GJB7: variants seen among roughly 807,000 people sequenced by gnomAD.
GJB7 encodes the protein gap junction protein beta 7.
For synonymous variants in GJB7, 87 were observed against 95.2 expected (o/e 0.91, Z 0.50); for missense variants, 253 against 256.8 (o/e 0.99, Z 0.10).
intron 2 of GJB7, among the ~76,000 whole-genome samples, chr6:87,315,101 A>G (rs1257220179): frequency 6.6e-6 from 1 of 152,130 alleles, no homozygotes; most frequent in African/African-American, 2.4e-5. Context: ...TTCCACAAAA[A>G]TGTGGCAAAA....
At chr6:87,316,543 A>G (rs1005288363) in intron 2 of GJB7, among the ~76,000 whole-genome samples, 1 of 152,220 alleles carries the variant, frequency 6.6e-6, no homozygotes, top group Non-Finnish European at 1.5e-5. Flanking sequence ...AAACAGTGAC[A>G]TGATTAGATG....
chr6:87,318,622 G>A (rs1481113150), intron 2 of GJB7, among the ~76,000 whole-genome samples: 1 of 152,090 alleles, frequency 6.6e-6, no homozygotes, highest in Non-Finnish European at 1.5e-5. Context: ...TGTGACATTT[G>A]CTAATATCAT....
At chr6:87,303,061 A>G (rs928908564) in intron 2 of GJB7, among the ~76,000 whole-genome samples, 3 of 152,240 alleles carry the variant, frequency 2.0e-5, no homozygotes, top group Non-Finnish European at 4.4e-5. Context: ...AGTACCAGCC[A>G]CTGCAAAAAC....
chr6:87,284,115 C>A lies in GJB7; in HGVS notation c.*126G>T. On this transcript the variant is annotated 3_prime_UTR_variant, in exon 3 of 3. Transcript: ENST00000525899. ...GGATGCAGGTTTTCTTTGTTTAACC[C>A]TCTTGTGTGTCACAGAGTAGCTTTG... 1.3e-6 allele frequency: 1 copy of A among 763,682 alleles called. No individual in the cohort carries two copies. Among genetic ancestry groups the A allele is most frequent in the South Asian group, 1.8e-5 (1 of 55,156 alleles). 47.3% of individuals were successfully genotyped at this position (763,682 alleles called of 1,614,324 possible). A position where few individuals can be genotyped will look rare whatever the true frequency, so the allele number is the denominator to read the frequency against.
chr6:87,299,822 TA>T lies in GJB7; in HGVS notation c.-27-14884del, dbSNP rs1776295115. 4 of 182,440 alleles carry T rather than the reference TA, an allele frequency of 2.2e-5. No individual in the cohort carries two copies. The South Asian group carries it at 5.8e-4, about 26-fold the overall frequency. The allele number at this position is 182,440 out of a possible 1,614,324, so 11.3% of individuals were successfully genotyped here. A position where few individuals can be genotyped will look rare whatever the true frequency, so the allele number is the denominator to read the frequency against. ...TTGACCAAATATGATGCTATGCTTTTAAAAGGAAAATGTTTTTCCTTTTAAG... is the reference window on the plus strand; with the variant it reads ...TTGACCAAATATGATGCTATGCTTTTAAAGGAAAATGTTTTTCCTTTTAAG... On this transcript the variant is annotated intron_variant, in intron 2 of 2. Transcript: ENST00000525899.
intron 2 of GJB7, among the ~76,000 whole-genome samples, chr6:87,316,405 A>T (rs1433120702): frequency 1.3e-5 from 2 of 152,166 alleles, no homozygotes; most frequent in Non-Finnish European, 2.9e-5. Flanking sequence ...AGAGAATACA[A>T]TTCCTACACA....
At chr6:87,311,446 C>T (rs542956335) in intron 2 of GJB7, among the ~76,000 whole-genome samples, 1 of 152,116 alleles carries the variant, frequency 6.6e-6, no homozygotes, top group Non-Finnish European at 1.5e-5. Flanking sequence ...ACAAAGACCA[C>T]CAGAAAAACC....
rs1160839790 is a variant in GJB7 at position 87,284,325 on chromosome 6, A to G, written c.588T>C (p.Ile196=). 1 of 1,614,144 alleles carries G rather than the reference A, an allele frequency of 6.2e-7. No individual in the cohort carries two copies. The highest frequency in any genetic ancestry group is 1.1e-5 in the South Asian group (1 of 91,080). ...ACTTGAGAACCAAAAAACTCAGTTCAATGAAATTCAACACAATACACAAGC... is the reference window on the plus strand; with the variant it reads ...ACTTGAGAACCAAAAAACTCAGTTCGATGAAATTCAACACAATACACAAGC... ...TSCLCIVLNF[I]ELSFLVLKCF... is the part of the protein sequence containing the mutation. Residue 196 remains isoleucine (I), a synonymous_variant, in exon 3 of 3, where the codon ATT becomes ATC. Transcript: ENST00000525899.
chr6:87,321,226 C>CAA (rs56855977), intron 2 of GJB7, among the ~76,000 whole-genome samples: 2 of 101,380 alleles, frequency 2.0e-5, no homozygotes, highest in African/African-American at 7.6e-5. Flanking sequence ...CACTCCATCT[C>CAA]AAAAAAAAAA....
At position 87,284,424 on chromosome 6, in the gene GJB7, G is replaced by A. The variant is rs932768821; in HGVS notation, c.489C>T (p.Pro163=). 8.1e-6 allele frequency: 13 copies of A among 1,613,986 alleles called. No individual in the cohort carries two copies. Among genetic ancestry groups the A allele is most frequent in the Non-Finnish European group, 1.1e-5 (13 of 1,179,966 alleles). ...YLIKCDLKPC[P]NTVDCFISKP... ...TGGAGATGAAGCAGTCCACAGTGTTGGGACAAGGCTTCAAATCACACTTTA... is the reference window on the plus strand; with the variant it reads ...TGGAGATGAAGCAGTCCACAGTGTTAGGACAAGGCTTCAAATCACACTTTA... Residue 163 remains proline (P), a synonymous_variant, in exon 3 of 3, where the codon CCC becomes CCT. Coordinates refer to ENST00000525899, the MANE Select transcript of GJB7 (RefSeq NM_198568.3).
chr6:87,295,535 G>A (rs1297280972), intron 2 of GJB7, among the ~76,000 whole-genome samples: 1 of 152,158 alleles, frequency 6.6e-6, no homozygotes, highest in Non-Finnish European at 1.5e-5. Flanking sequence ...AAAGAATGGA[G>A]GGGAAATACT....
intron 2 of GJB7, among the ~76,000 whole-genome samples, chr6:87,318,333 T>C (rs1480656769): frequency 6.6e-6 from 1 of 152,196 alleles, no homozygotes; most frequent in South Asian, 2.1e-4. Flanking sequence ...GGAGGGCATA[T>C]TATCAGTTTC....
At chr6:87,299,025 A>T in intron 2 of GJB7, 1 of 502,946 alleles carries the variant, frequency 2.0e-6, no homozygotes, top group Non-Finnish European at 4.0e-6. Context: ...AAGGATAAAC[A>T]TAAAAATATT....
chr6:87,326,354 A>G (rs1776821260), intron 1 of GJB7, among the ~76,000 whole-genome samples: 1 of 151,648 alleles, frequency 6.6e-6, no homozygotes, highest in Non-Finnish European at 1.5e-5. Flanking sequence ...CTTAATTGTG[A>G]TGTTAGGGTG....
chr6:87,309,527 C>G (rs1457884017), intron 2 of GJB7, among the ~76,000 whole-genome samples: 1 of 152,182 alleles, frequency 6.6e-6, no homozygotes, highest in East Asian at 1.9e-4. Context: ...CACACATACA[C>G]AGTCTCTTCC....
intron 2 of GJB7, chr6:87,299,089 G>A (rs916202447): frequency 2.0e-6 from 1 of 507,730 alleles, no homozygotes; most frequent in South Asian, 1.4e-5. Context: ...AAGCTGGGGA[G>A]GCCATCACCA....
chr6:87,288,506 T>TG (rs1776107472), intron 2 of GJB7, among the ~76,000 whole-genome samples: 1 of 152,238 alleles, frequency 6.6e-6, no homozygotes, highest in Admixed American at 6.5e-5. Context: ...ATCTCCAGTG[T>TG]GGACCTCTCA....
At chr6:87,327,127 T>G (rs1190831683) in intron 1 of GJB7, among the ~76,000 whole-genome samples, 4 of 151,714 alleles carry the variant, frequency 2.6e-5, no homozygotes, top group Non-Finnish European at 5.9e-5. Flanking sequence ...TTGGTAGATG[T>G]TCCTCCATCC....
chr6:87,320,990 G>A (rs989589317), intron 2 of GJB7, among the ~76,000 whole-genome samples: 1 of 152,142 alleles, frequency 6.6e-6, no homozygotes, highest in Admixed American at 6.5e-5. Flanking sequence ...AGGCCGAGGT[G>A]GGTGGATTGC....
Sources: allele counts gnomAD v4.1 joint callset (sites outside exome capture counted in the v4.1 genomes callset), GRCh38; gene constraint gnomAD v4.1.1; transcripts MANE v1.5; gene names NCBI Gene and HGNC (gene_info 2026-07-23, HGNC 2026-07-21).